The following MNAT1 variants were observed in gnomAD, a reference collection of about 807,000 sequenced individuals.
MNAT1 encodes the protein MNAT1 component of CDK activating kinase, also known as CDK-activating kinase assembly factor MAT1.
MNAT1 carries 43 observed loss-of-function variants against 42.0 expected under a neutral mutation model. The ratio of observed to expected loss-of-function variants is 1.02; its 90% confidence interval spans 0.80 to 1.32. The LOEUF is 1.32. Among genes scored for constraint, MNAT1 ranks in the 40% most tolerant of loss-of-function variants. The pLI is 0.00. For missense variants in MNAT1, 306 were observed against 350.4 expected, an observed-to-expected ratio of 0.87 and a Z score of 1.01; for synonymous variants, 118 against 120.0, an observed-to-expected ratio of 0.98 and a Z score of 0.11.
chr14:60,939,496 A>T (rs1234055972), intron 7 of MNAT1, among the ~76,000 whole-genome samples: 1 of 152,154 alleles, frequency 6.6e-6, no homozygotes, highest in Middle Eastern at 3.2e-3. Context: ...TGTACCCAGT[A>T]GTCATTCAGG....
chr14:60,833,722 ATTG>A (rs2033291007), intron 6 of MNAT1, among the ~76,000 whole-genome samples: 2 of 151,864 alleles, frequency 1.3e-5, no homozygotes, highest in South Asian at 4.1e-4. Context: ...CTTATTTTCT[ATTG>A]TTTGGTATAG....
chr14:60,803,264 A>T (rs2032268013), intron 3 of MNAT1, among the ~76,000 whole-genome samples: 1 of 152,146 alleles, frequency 6.6e-6, no homozygotes, highest in South Asian at 2.1e-4. Context: ...TTGTTTCAAT[A>T]GCTTTCTATT....
intron 7 of MNAT1, among the ~76,000 whole-genome samples, chr14:60,887,193 T>A (rs956271857): frequency 8.2e-6 from 1 of 122,548 alleles, no homozygotes; most frequent in Non-Finnish European, 1.7e-5. Context: ...TGTTGTTACA[T>A]ATCAGAGCTG....
At chr14:60,773,461 C>T (rs1398788373) in intron 1 of MNAT1, among the ~76,000 whole-genome samples, 2 of 151,892 alleles carry the variant, frequency 1.3e-5, no homozygotes, top group East Asian at 1.9e-4. Flanking sequence ...ATATTAAACA[C>T]AAAAATTAAG....
intron 7 of MNAT1, among the ~76,000 whole-genome samples, chr14:60,892,024 C>T (rs1958277): frequency 0.92 from 140,599 of 152,208 alleles, 65,489 homozygotes; most frequent in Non-Finnish European, 0.99. Flanking sequence ...TTGTATGATA[C>T]CAATTTTTTA....
intron 5 of MNAT1, among the ~76,000 whole-genome samples, chr14:60,813,278 G>T (rs540818627): frequency 2.0e-5 from 3 of 152,278 alleles, no homozygotes; most frequent in Admixed American, 6.5e-5. Context: ...ACTTGTTCCT[G>T]TATTGGTGCT....
chr14:60,735,560 T>A (rs1329277197), intron 1 of MNAT1, among the ~76,000 whole-genome samples: 1 of 152,196 alleles, frequency 6.6e-6, no homozygotes, highest in African/African-American at 2.4e-5. Flanking sequence ...TTACCATGAA[T>A]TATCTCAGTT....
rs2036728208 is a variant in MNAT1, at chr14:60,968,653, TA to T, written c.*310del. ...TTGTGACAGACTTATAAAATCTTTT[TA>T]AAAAATAAAGCTATAATTTATATTA... On this transcript the variant is annotated 3_prime_UTR_variant, in exon 8 of 8. Coordinates refer to ENST00000261245, the MANE Select transcript of MNAT1 (RefSeq NM_002431.4). The T allele has an allele frequency of 3.4e-6, 2 of 597,012 alleles. No homozygotes were observed. The highest frequency in any genetic ancestry group is 2.5e-6 in the Non-Finnish European group (1 of 395,794). 37.0% of individuals were successfully genotyped at this position (597,012 alleles called of 1,614,324 possible). A position where few individuals can be genotyped will look rare whatever the true frequency, so the allele number is the denominator to read the frequency against.
chr14:60,772,916 CATTTATTTATTTATTTATTT>C (rs201818233), intron 1 of MNAT1, among the ~76,000 whole-genome samples: 2 of 141,826 alleles, frequency 1.4e-5, no homozygotes, highest in Non-Finnish European at 3.1e-5. Context: ...TTTTTTAAAA[CATTTATTTATTTATTTATTT>C]ATTTATTTAT....
chr14:60,798,712 A>G (rs2032101828), intron 3 of MNAT1, among the ~76,000 whole-genome samples: 1 of 152,156 alleles, frequency 6.6e-6, no homozygotes, highest in Admixed American at 6.5e-5. Flanking sequence ...TTTTATCAAG[A>G]AAAAATGATT....
rs1566786120 is a variant in MNAT1, at chr14:60,833,458, C to A, written c.687+14611C>A. Among the ~76,000 whole-genome samples, 4 of 152,084 alleles carry A rather than the reference C, an allele frequency of 2.6e-5. No homozygotes were observed. The South Asian group carries it at 8.3e-4, about 31-fold the overall frequency. ...AATCATGTGTTTTTTGTCATTGGTT[C>A]TGTTTATGTGATTGATTATGTTTTT... On this transcript the variant is annotated intron_variant, in intron 6 of 7. Coordinates refer to ENST00000261245, the MANE Select transcript of MNAT1 (RefSeq NM_002431.4).
chr14:60,968,125 G>A, intron 7 of MNAT1, 104 bp from the exon 8 acceptor site: 1 of 815,552 alleles, frequency 1.2e-6, no homozygotes, highest in Middle Eastern at 2.5e-4. Context: ...TTCAATCTCG[G>A]AATTCCTCTT....
chr14:60,869,040 A>ATATATATATATATATATATATATATATT (rs1465360826), intron 6 of MNAT1, among the ~76,000 whole-genome samples: 1 of 113,054 alleles, frequency 8.8e-6, no homozygotes. Flanking sequence ...ATATATATAT[A>ATATATATATATATATATATATATATATT]TTTTTTTTTT....
At chr14:60,923,964 T>C (rs541494165) in intron 7 of MNAT1, among the ~76,000 whole-genome samples, 41 of 152,230 alleles carry the variant, frequency 2.7e-4, no homozygotes, top group African/African-American at 9.6e-4. Context: ...ACAGTAGATA[T>C]ATTTATAAGG....
At chr14:60,848,397 T>C (rs537112832) in intron 6 of MNAT1, among the ~76,000 whole-genome samples, 2 of 152,314 alleles carry the variant, frequency 1.3e-5, no homozygotes, top group Admixed American at 1.3e-4. Flanking sequence ...ACTAATTTTG[T>C]CACCCTTTTT....
intron 1 of MNAT1, among the ~76,000 whole-genome samples, chr14:60,739,388 A>T (rs78284006): frequency 1.7e-4 from 25 of 144,576 alleles, no homozygotes; most frequent in South Asian, 4.4e-4. Context: ...TTATTAACTT[A>T]TTTTTTTTTT....
At chr14:60,784,201 T>C (rs865892705) in intron 1 of MNAT1, among the ~76,000 whole-genome samples, 80 of 143,938 alleles carry the variant, frequency 5.6e-4, no homozygotes, top group African/African-American at 2.0e-3. Flanking sequence ...TTTTTTTTTT[T>C]TTAGTAGAGG....
chr14:60,916,656 A>G (rs2035521372), intron 7 of MNAT1, among the ~76,000 whole-genome samples: 1 of 152,122 alleles, frequency 6.6e-6, no homozygotes, highest in South Asian at 2.1e-4. Flanking sequence ...CCCTGCCTCT[A>G]AAAATTTAAA....
intron 7 of MNAT1, among the ~76,000 whole-genome samples, chr14:60,916,922 C>A (rs748207277): frequency 8.0e-4 from 121 of 152,148 alleles, no homozygotes; most frequent in Non-Finnish European, 1.5e-3. Context: ...CACTGCATTC[C>A]AGCCTGTGTG....
Sources: gnomAD v4.1 joint callset for allele counts (sites outside exome capture counted in the v4.1 genomes callset) on GRCh38, gnomAD v4.1.1 for gene constraint, MANE v1.5 for transcripts, NCBI Gene and HGNC (gene_info 2026-07-23, HGNC 2026-07-21) for gene names.